Variants in CFAP54 observed in about 807,000 individuals in gnomAD.
The protein encoded by CFAP54 is cilia and flagella associated protein 54, also known as cilia- and flagella-associated protein 54.
In CFAP54, 290 loss-of-function variants were observed where a neutral mutation model predicts 370.4. The ratio of observed to expected loss-of-function variants is 0.78; its 90% CI spans 0.71 to 0.86. The LOEUF is 0.86. Ranked by LOEUF, CFAP54 falls within the 40% of genes least tolerant of loss-of-function variation. The pLI is 0.00. For synonymous variants in CFAP54, 1,206 were observed against 1,236.5 expected (o/e 0.98, Z 0.52); for missense variants, 3,399 against 3,528.7 (o/e 0.96, Z 0.93).
intron 46 of CFAP54, among the ~76,000 whole-genome samples, chr12:96,703,414 G>A (rs1407858613): frequency 6.6e-6 from 1 of 152,120 alleles, no homozygotes; most frequent in Non-Finnish European, 1.5e-5. Flanking sequence ...AGGTACTTGA[G>A]TAGGACACCA....
intron 45 of CFAP54, among the ~76,000 whole-genome samples, chr12:96,698,035 T>G (rs1957454179): frequency 6.6e-6 from 1 of 152,222 alleles, no homozygotes; most frequent in Admixed American, 6.5e-5. Flanking sequence ...TCTTGAAGGT[T>G]TCCTTCACAG....
intron 51 of CFAP54, among the ~76,000 whole-genome samples, chr12:96,740,926 C>T (rs1371800022): frequency 6.6e-6 from 1 of 152,150 alleles, no homozygotes; most frequent in African/African-American, 2.4e-5. Context: ...ACAGGACAGC[C>T]CTCCACAGCA....
intron 55 of CFAP54, among the ~76,000 whole-genome samples, chr12:96,747,875 C>A (rs1338900462): frequency 6.6e-6 from 1 of 152,178 alleles, no homozygotes; most frequent in Non-Finnish European, 1.5e-5. Flanking sequence ...AGTACAGTTG[C>A]TGTTATTTCT....
chr12:96,595,626 G>A (rs998529116), intron 25 of CFAP54, among the ~76,000 whole-genome samples: 1 of 152,058 alleles, frequency 6.6e-6, no homozygotes, highest in Non-Finnish European at 1.5e-5. Flanking sequence ...GGGGCTCTAC[G>A]GAGCATAGGT....
intron 32 of CFAP54, among the ~76,000 whole-genome samples, chr12:96,634,904 C>A (rs944684715): frequency 1.3e-5 from 2 of 152,296 alleles, no homozygotes; most frequent in African/African-American, 2.4e-5. Context: ...TTGTGCAGAT[C>A]TATTTCTGAG....
chr12:96,847,692 G>A (rs1959399373), intron 66 of CFAP54, among the ~76,000 whole-genome samples: 1 of 152,204 alleles, frequency 6.6e-6, no homozygotes, highest in African/African-American at 2.4e-5. Context: ...TTCCAATAAA[G>A]AGGCCACTGT....
At chr12:96,717,603 A>C (rs1957698840) in intron 48 of CFAP54, among the ~76,000 whole-genome samples, 1 of 152,206 alleles carries the variant, frequency 6.6e-6, no homozygotes, top group Non-Finnish European at 1.5e-5. Context: ...GAATTCTCTC[A>C]CTTCTCCCCT....
chr12:96,504,922 T>C (rs1955075350), intron 3 of CFAP54, among the ~76,000 whole-genome samples: 1 of 151,844 alleles, frequency 6.6e-6, no homozygotes, highest in Non-Finnish European at 1.5e-5. Context: ...TTTGCCAGAA[T>C]TTATTTTTCT....
At chr12:96,604,351 G>A (rs930315150) in intron 26 of CFAP54, among the ~76,000 whole-genome samples, 1 of 152,194 alleles carries the variant, frequency 6.6e-6, no homozygotes, top group Non-Finnish European at 1.5e-5. Context: ...GCACCTGCCT[G>A]TTTGAGGTGT....
intron 19 of CFAP54, among the ~76,000 whole-genome samples, chr12:96,572,182 C>T (rs893775656): frequency 6.6e-6 from 1 of 152,292 alleles, no homozygotes; most frequent in Middle Eastern, 3.4e-3. Context: ...CACTGTCCTT[C>T]CTGCCAAGAC....
intron 65 of CFAP54, among the ~76,000 whole-genome samples, chr12:96,820,483 G>T (rs1222335695): frequency 2.0e-5 from 3 of 152,180 alleles, no homozygotes; most frequent in Non-Finnish European, 4.4e-5. Flanking sequence ...AACCATAAGA[G>T]AATCTACTGT....
chr12:96,591,754 G>C (rs1956126716), intron 23 of CFAP54, among the ~76,000 whole-genome samples: 1 of 150,928 alleles, frequency 6.6e-6, no homozygotes. Context: ...AGCCGGGCAT[G>C]GTGGCGCGTG....
At chr12:96,647,185 A>G (rs1956804319) in intron 33 of CFAP54, 1 of 151,942 alleles carries the variant, frequency 6.6e-6, no homozygotes, top group African/African-American at 2.4e-5. Flanking sequence ...TTTAAAAAAG[A>G]AATGAGGGCT....
At chr12:96,771,075 A>G (rs2136678382) in intron 60 of CFAP54, among the ~76,000 whole-genome samples, 1 of 152,316 alleles carries the variant, frequency 6.6e-6, no homozygotes, top group South Asian at 2.1e-4. Context: ...CCAGGAAAGG[A>G]AAATTCCAAA....
chr12:96,835,956 A>G (rs374763215), intron 66 of CFAP54, among the ~76,000 whole-genome samples: 2 of 152,198 alleles, frequency 1.3e-5, no homozygotes, highest in South Asian at 2.1e-4. Flanking sequence ...TAGGACAGGT[A>G]GAAATTACCT....
intron 42 of CFAP54, among the ~76,000 whole-genome samples, chr12:96,687,122 G>A (rs528407673): frequency 6.6e-6 from 1 of 152,196 alleles, no homozygotes; most frequent in South Asian, 2.1e-4. Context: ...GCCTCTCTCT[G>A]TCTGTCTCTC....
At chr12:96,611,994 C>T (rs1010427487) in intron 26 of CFAP54, among the ~76,000 whole-genome samples, 1 of 152,190 alleles carries the variant, frequency 6.6e-6, no homozygotes, top group Non-Finnish European at 1.5e-5. Flanking sequence ...GGGAGAACTT[C>T]CCCAACCTAG....
At chr12:96,498,001 C>A (rs1954977219) in intron 1 of CFAP54, among the ~76,000 whole-genome samples, 1 of 152,216 alleles carries the variant, frequency 6.6e-6, no homozygotes, top group African/African-American at 2.4e-5. Flanking sequence ...TGTGCGAGAT[C>A]CAAGAGCCCT....
At chr12:96,632,286 T>G (rs763613384) in intron 32 of CFAP54, among the ~76,000 whole-genome samples, 141 of 152,160 alleles carry the variant, frequency 9.3e-4, no homozygotes, top group Middle Eastern at 6.8e-3. Flanking sequence ...TCAAAAGTTT[T>G]AATTCTTAAT....
Sources: allele counts gnomAD v4.1 joint callset (sites outside exome capture counted in the v4.1 genomes callset), GRCh38; gene constraint gnomAD v4.1.1; transcripts MANE v1.5; gene names NCBI Gene and HGNC (gene_info 2026-07-23, HGNC 2026-07-21).